The following PTPRN2 variants were observed in gnomAD, a reference collection of about 807,000 sequenced individuals.
PTPRN2 encodes the protein receptor-type tyrosine-protein phosphatase N2.
In PTPRN2, 74 loss-of-function variants were observed where a neutral mutation model predicts 118.8. The observed-to-expected ratio is 0.62, with a 90% confidence interval of 0.52 to 0.76. PTPRN2 has a LOEUF of 0.76. Among genes scored for constraint, PTPRN2 ranks in the 30% least tolerant of loss-of-function variants. The pLI is 0.00. For synonymous variants in PTPRN2, 641 were observed against 608.0 expected, an observed-to-expected ratio of 1.05 and a Z score of -0.80; for missense variants, 1,481 against 1,394.4, an observed-to-expected ratio of 1.06 and a Z score of -0.99.
chr7:158,149,635 C>G (rs1372576878), intron 6 of PTPRN2, among the ~76,000 whole-genome samples: 1 of 151,996 alleles, frequency 6.6e-6, no homozygotes, highest in Non-Finnish European at 1.5e-5. Flanking sequence ...GAAACCCCAT[C>G]TCTACTAAAA....
At position 158,167,052 on chromosome 7, in the gene PTPRN2, C is replaced by T. The variant is rs1461048838; in HGVS notation, c.789G>A (p.Leu263=). ...RPPAPPGEGS[L]EPQYLLRAPS... is the part of the protein sequence containing the mutation. ...GTGCACGCAGAAGGTACTGTGGCTC[C>T]AGGCTGCCCTCCCCGGGGGGAGCTG... is the stretch of plus-strand genomic sequence containing the variant. The change falls in exon 6 of 23, where the codon CTG becomes CTA. Residue 263 remains leucine, a synonymous_variant. Coordinates refer to ENST00000389418, the MANE Select transcript of PTPRN2 (RefSeq NM_002847.5). The T allele has an allele frequency of 6.4e-7, 1 of 1,571,830 alleles. No individual in the cohort carries two copies. Among genetic ancestry groups the T allele is most frequent in the African/African-American group, 1.4e-5 (1 of 74,066 alleles).
rs1242666827 is a variant in PTPRN2, at chr7:158,330,277, T to A, written c.164-13345A>T. Among the ~76,000 whole-genome samples the A allele has an allele frequency of 1.6e-4, 13 of 79,388 alleles. No homozygotes were observed. In the East Asian group the frequency reaches 3.3e-3, roughly 20 times the overall value. 52.1% of individuals were successfully genotyped at this position (79,388 alleles called of 152,430 possible). A position where few individuals can be genotyped will look rare whatever the true frequency, so the allele number is the denominator to read the frequency against. ...CCATAAGAGCTGACACCCGCAGACGTCACTCACACCCACACTCTCACCATA... is the reference window on the plus strand; with the variant it reads ...CCATAAGAGCTGACACCCGCAGACGACACTCACACCCACACTCTCACCATA... On this transcript the variant is annotated intron_variant, in intron 2 of 22. Transcript: ENST00000389418.
intron 11 of PTPRN2, among the ~76,000 whole-genome samples, chr7:158,060,475 C>T (rs572577584): frequency 1.9e-4 from 29 of 152,356 alleles, no homozygotes; most frequent in African/African-American, 6.3e-4. Flanking sequence ...TGCGCATGGC[C>T]GCTCTCTGTG....
chr7:158,438,421 T>G lies in PTPRN2; in HGVS notation c.163+51314A>C, dbSNP rs1426527731. Reference sequence around the variant, plus strand: ...TTAATTGACAAATAATTGTACATATTTATGGGCTACGGTGTGATGTTTCAA... The same window carrying G: ...TTAATTGACAAATAATTGTACATATGTATGGGCTACGGTGTGATGTTTCAA... On this transcript the variant is annotated intron_variant, in intron 2 of 22. Coordinates refer to ENST00000389418, the MANE Select transcript of PTPRN2 (RefSeq NM_002847.5). This position sits in a 1 kb window ranked among gnomAD's most constrained non-coding sequence, Gnocchi z 4.7. Among the ~76,000 whole-genome samples, 9 of 152,196 alleles carry G rather than the reference T, an allele frequency of 5.9e-5. No homozygotes were observed. Among genetic ancestry groups the G allele is most frequent in the Non-Finnish European group, 1.2e-4 (8 of 68,042 alleles).
intron 11 of PTPRN2, among the ~76,000 whole-genome samples, chr7:157,973,276 T>A (rs1449964895): frequency 6.7e-6 from 1 of 149,848 alleles, no homozygotes; most frequent in Non-Finnish European, 1.5e-5. Context: ...CATGGGCTGA[T>A]AGGACAGACA....
At chr7:157,865,640 T>G (rs1166716192) in intron 12 of PTPRN2, 1 of 152,234 alleles carries the variant, frequency 6.6e-6, no homozygotes, top group African/African-American at 2.4e-5. Flanking sequence ...GTCTTCCCAG[T>G]GTTGTCTTCA....
At chr7:158,534,425 T>A (rs1296524441) in intron 1 of PTPRN2, among the ~76,000 whole-genome samples, 1 of 152,154 alleles carries the variant, frequency 6.6e-6, no homozygotes, top group East Asian at 1.9e-4. Context: ...CTGGGCTCTG[T>A]CAGGGATGGC....
At chr7:157,655,066 G>A (rs1447141609) in intron 14 of PTPRN2, among the ~76,000 whole-genome samples, 1 of 152,276 alleles carries the variant, frequency 6.6e-6, no homozygotes, top group Admixed American at 6.5e-5. Flanking sequence ...TCTGCCGAGT[G>A]AACTCCACGA....
intron 9 of PTPRN2, among the ~76,000 whole-genome samples, chr7:158,127,164 G>A (rs1048627980): frequency 7.2e-5 from 11 of 152,170 alleles, no homozygotes; most frequent in East Asian, 3.9e-4. Context: ...CGGCCTCCCC[G>A]CAAGACTCAG....
rs925230506 is a variant in PTPRN2, at chr7:157,861,392, G to A, written c.1788+37281C>T. Among the ~76,000 whole-genome samples, 2 of 152,254 alleles carry A rather than the reference G, an allele frequency of 1.3e-5. No homozygotes were observed. Among genetic ancestry groups the A allele is most frequent in the African/African-American group, 2.4e-5 (1 of 41,478 alleles). ...CAGTCTGCGCTCCCTGCGGTGGGCA[G>A]TGGCTTCTGTGTTTTGCCGTCGAGG... On this transcript the variant is annotated intron_variant, in intron 12 of 22. Coordinates refer to ENST00000389418, the MANE Select transcript of PTPRN2 (RefSeq NM_002847.5). This position sits in a 1 kb window ranked among gnomAD's most constrained non-coding sequence, Gnocchi z 5.8.
intron 7 of PTPRN2, among the ~76,000 whole-genome samples, chr7:158,137,600 G>A (rs886316023): frequency 4.6e-5 from 7 of 152,102 alleles, no homozygotes; most frequent in Admixed American, 2.6e-4. Context: ...CCTAACACAG[G>A]CCCTCCCGGG....
At chr7:158,167,399 G>A (rs1823131889) in intron 5 of PTPRN2, 108 bp from the exon 6 acceptor site, 16 of 1,388,476 alleles carry the variant, frequency 1.2e-5, no homozygotes, top group Non-Finnish European at 1.5e-5. Context: ...CAGCCCTGGG[G>A]GTACAAAGAT....
rs918461603 is a variant in PTPRN2, at chr7:157,831,938, C to T, written c.1788+66735G>A. The stretch of plus-strand genomic sequence containing the variant: ...CAGAGCGGGGTAAGTTGTTGGAAAA[C>T]GGAAAGAAGTTTGTCTGGCAGTTGC... On this transcript the variant is annotated intron_variant, in intron 12 of 22. Coordinates refer to ENST00000389418, the MANE Select transcript of PTPRN2 (RefSeq NM_002847.5). The surrounding 1 kb of genome is among the most constrained non-coding windows in gnomAD (Gnocchi z 4.8). Among the ~76,000 whole-genome samples, 13 of 152,256 alleles carry T rather than the reference C, an allele frequency of 8.5e-5. No homozygotes were observed. The highest frequency in any genetic ancestry group is 1.9e-4 in the East Asian group (1 of 5,180).
intron 3 of PTPRN2, among the ~76,000 whole-genome samples, chr7:158,250,294 C>T (rs1382281965): frequency 2.0e-5 from 3 of 152,054 alleles, no homozygotes; most frequent in African/African-American, 4.8e-5. Context: ...TGTGGATATT[C>T]TCTCATTCCT....
At chr7:157,751,524 G>C (rs956408478) in intron 12 of PTPRN2, among the ~76,000 whole-genome samples, 1 of 152,124 alleles carries the variant, frequency 6.6e-6, no homozygotes, top group African/African-American at 2.4e-5. Flanking sequence ...GAGTGCGCTC[G>C]CTCGGGAGGT....
At chr7:158,548,859 C>T (rs1487957817) in intron 1 of PTPRN2, among the ~76,000 whole-genome samples, 1 of 152,214 alleles carries the variant, frequency 6.6e-6, no homozygotes, top group East Asian at 1.9e-4. Flanking sequence ...GTTGAGTGGG[C>T]ACAACTCCAC....
chr7:157,994,543 TC>T (rs56277014), intron 11 of PTPRN2, among the ~76,000 whole-genome samples: 88,191 of 114,336 alleles, frequency 0.77, 33,732 homozygotes, highest in East Asian at 0.84. Context: ...AGCTCCTTGT[TC>T]CTAAAATCAG....
intron 12 of PTPRN2, among the ~76,000 whole-genome samples, chr7:157,758,854 G>T (rs1801967972): frequency 6.6e-6 from 1 of 152,172 alleles, no homozygotes; most frequent in Non-Finnish European, 1.5e-5. Context: ...CCCGGATGGA[G>T]CCCTGCCTGC....
At chr7:158,052,555 G>T (rs868204671) in intron 11 of PTPRN2, among the ~76,000 whole-genome samples, 16 of 152,314 alleles carry the variant, frequency 1.1e-4, no homozygotes, top group Middle Eastern at 3.4e-3. Flanking sequence ...GCTTTGCCTC[G>T]TGGGGGCCGT....
Sources: allele counts gnomAD v4.1 joint callset (sites outside exome capture counted in the v4.1 genomes callset), GRCh38; gene constraint gnomAD v4.1.1; non-coding constraint Gnocchi (gnomAD v3.1); transcripts MANE v1.5; gene names NCBI Gene and HGNC (gene_info 2026-07-23, HGNC 2026-07-21).